ARID4B: variants seen among roughly 807,000 people sequenced by gnomAD.
ARID4B encodes AT-rich interactive domain-containing protein 4B.
A neutral mutation model predicts 147.5 loss-of-function variants in ARID4B; 26 were observed. That is an observed-to-expected ratio of 0.18 (90% CI 0.13 to 0.24). The LOEUF (loss-of-function observed/expected upper bound fraction) is 0.24. Among genes scored for constraint, ARID4B ranks in the 10% least tolerant of loss-of-function variants. ARID4B has a pLI of 1.00. For synonymous variants in ARID4B, 512 were observed against 507.9 expected, an observed-to-expected ratio of 1.01 and a Z score of -0.11; for missense variants, 1,179 against 1,511.5, an observed-to-expected ratio of 0.78 and a Z score of 3.65.
At chr1:235,170,905 C>T (rs1384586306) in intron 23 of ARID4B, among the ~76,000 whole-genome samples, 3 of 125,562 alleles carry the variant, frequency 2.4e-5, no homozygotes, top group South Asian at 2.6e-4. Context: ...ACCGAGACTC[C>T]GTCTCAAAAA....
chr1:235,252,701 A>G, intron 6 of ARID4B, 29 bp downstream of exon 6: 1 of 1,590,518 alleles, frequency 6.3e-7, no homozygotes, highest in Non-Finnish European at 8.6e-7. Context: ...AAATATTAAG[A>G]CATGTTCATT....
At chr1:235,291,178 C>T (rs1672310948) in intron 2 of ARID4B, among the ~76,000 whole-genome samples, 1 of 151,872 alleles carries the variant, frequency 6.6e-6, no homozygotes, top group African/African-American at 2.4e-5. Flanking sequence ...GGGCAGATCA[C>T]CAGGTCAGGA....
At chr1:235,281,805 T>C (rs531047110) in intron 2 of ARID4B, among the ~76,000 whole-genome samples, 1 of 152,318 alleles carries the variant, frequency 6.6e-6, no homozygotes, top group Admixed American at 6.5e-5. Context: ...GGGAGGCTGG[T>C]GAATGTATTT....
intron 2 of ARID4B, among the ~76,000 whole-genome samples, chr1:235,319,875 T>C (rs1674702222): frequency 6.6e-6 from 1 of 151,678 alleles, no homozygotes; most frequent in African/African-American, 2.4e-5. Flanking sequence ...ACACCTGTAA[T>C]CCCAGCACTC....
chr1:235,281,065 C>T (rs1029700792), intron 2 of ARID4B, among the ~76,000 whole-genome samples: 1 of 151,688 alleles, frequency 6.6e-6, no homozygotes, highest in Admixed American at 6.6e-5. Context: ...ACCAACTCTA[C>T]AGCTTACAAG....
At chr1:235,286,752 G>A (rs1013032107) in intron 2 of ARID4B, among the ~76,000 whole-genome samples, 4 of 152,190 alleles carry the variant, frequency 2.6e-5, no homozygotes, top group African/African-American at 7.2e-5. Context: ...ATGAGCAAGA[G>A]TTACATTATC....
intron 2 of ARID4B, among the ~76,000 whole-genome samples, chr1:235,270,402 G>T (rs546561355): frequency 1.9e-3 from 287 of 152,130 alleles, no homozygotes; most frequent in African/African-American, 6.4e-3. Flanking sequence ...TTTATTTTTG[G>T]TTTTTTACAT....
At chr1:235,268,597 C>T (rs991532703) in intron 2 of ARID4B, among the ~76,000 whole-genome samples, 28 of 152,142 alleles carry the variant, frequency 1.8e-4, no homozygotes, top group African/African-American at 6.5e-4. Context: ...GGTGTGATAT[C>T]GGCTCACTGT....
chr1:235,195,290 G>A (rs992423726), intron 18 of ARID4B, among the ~76,000 whole-genome samples: 3 of 151,894 alleles, frequency 2.0e-5, no homozygotes, highest in Non-Finnish European at 4.4e-5. Context: ...TGGCATTTTC[G>A]TGGTTAATAG....
intron 21 of ARID4B, 128 bp downstream of exon 21, chr1:235,177,672 C>CT: frequency 1.8e-6 from 1 of 554,596 alleles, no homozygotes; most frequent in Non-Finnish European, 3.0e-6. Flanking sequence ...ATTTGTGTGA[C>CT]TTTTTTTGAG....
At chr1:235,238,688 T>A (rs958881225) in intron 8 of ARID4B, among the ~76,000 whole-genome samples, 3 of 152,068 alleles carry the variant, frequency 2.0e-5, no homozygotes, top group African/African-American at 7.2e-5. Context: ...AGACCTCGTA[T>A]TTACAAAGTA....
intron 14 of ARID4B, 63 bp downstream of exon 14, chr1:235,221,501 TA>T: frequency 1.1e-6 from 1 of 898,036 alleles, no homozygotes; most frequent in Non-Finnish European, 1.7e-6. Flanking sequence ...AGTTATAAGG[TA>T]AATTTCATCC....
At chr1:235,180,696 C>G (rs1379955919) in intron 20 of ARID4B, 2 of 152,096 alleles carry the variant, frequency 1.3e-5, no homozygotes, top group Non-Finnish European at 2.9e-5. Flanking sequence ...CTAATTTGAT[C>G]TAGACCATAT....
intron 2 of ARID4B, among the ~76,000 whole-genome samples, chr1:235,291,658 A>G (rs1672345533): frequency 6.7e-6 from 1 of 148,162 alleles, no homozygotes. Flanking sequence ...CAACGTGGCC[A>G]AACCCCGTCT....
At chr1:235,234,516 A>T (rs779353010) in intron 8 of ARID4B, 24 bp from the exon 9 acceptor site, 1 of 1,514,610 alleles carries the variant, frequency 6.6e-7, no homozygotes, top group African/African-American at 1.4e-5. Context: ...GGGTGAAGCT[A>T]TTATAACTAA....
chr1:235,303,936 T>TA (rs5781825), intron 2 of ARID4B, among the ~76,000 whole-genome samples: 152,307 of 152,318 alleles, frequency 1, 76,148 homozygotes, highest in Middle Eastern at 1. Context: ...TTACAGGTAT[T>TA]TTTTTTTGGC....
At position 235,229,312 on chromosome 1, in the gene ARID4B, A is replaced by C. The variant is rs201316646; in HGVS notation, c.816T>G (p.Asp272Glu). ...PANWKTELKE[D>E]SSSSEAEEEE... ...CTTCCTCTGCTTCACTGCTAGAGCT[A>C]TCTTCTTTCAATTCAGTCTTCCAGT... The change falls in exon 11 of 24, where the codon GAT becomes GAG. Residue 272 changes from aspartate (D) to glutamate (E), a missense_variant. By Grantham distance (45) the Asp-to-Glu change is conservative. Around this residue, in one of 10 missense-constraint regions of ARID4B, gnomAD observed 159 missense variants for 190.5 expected, o/e 0.83. Coordinates refer to ENST00000264183, the MANE Select transcript of ARID4B (RefSeq NM_016374.6). 17 of 1,613,490 alleles carry C rather than the reference A, an allele frequency of 1.1e-5. No individual in the cohort carries two copies. The highest frequency in any genetic ancestry group is 1.4e-5 in the Non-Finnish European group (17 of 1,179,838).
chr1:235,292,186 T>A (rs1672384705), intron 2 of ARID4B, among the ~76,000 whole-genome samples: 1 of 152,232 alleles, frequency 6.6e-6, no homozygotes, highest in African/African-American at 2.4e-5. Flanking sequence ...TCATCCTGAT[T>A]GTCCCCAAGA....
rs750364226 is a variant in ARID4B, at chr1:235,175,736, A to C, written c.3449-337T>G. The C allele has an allele frequency of 7.6e-4, 167 of 219,690 alleles. 2 individuals carry two copies. Among genetic ancestry groups the C allele is most frequent in the Non-Finnish European group, 1.5e-3 (160 of 109,992 alleles). The allele number at this position is 219,690 out of a possible 1,614,324, so 13.6% of individuals were successfully genotyped here. A position where few individuals can be genotyped will look rare whatever the true frequency, so the allele number is the denominator to read the frequency against. On this transcript the variant is annotated intron_variant, in intron 21 of 23. Coordinates refer to ENST00000264183, the MANE Select transcript of ARID4B (RefSeq NM_016374.6). Reference sequence around the variant, plus strand: ...AATATATCATCTTTTAAAATGATTAATTGTAGAAACCTCTACAATGAATAT... The same window carrying C: ...AATATATCATCTTTTAAAATGATTACTTGTAGAAACCTCTACAATGAATAT...
Sources: gnomAD v4.1 joint callset for allele counts (sites outside exome capture counted in the v4.1 genomes callset) on GRCh38, gnomAD v4.1.1 for gene constraint, gnomAD v4.1.1 regional missense constraint, MANE v1.5 for transcripts, NCBI Gene and HGNC (gene_info 2026-07-23, HGNC 2026-07-21) for gene names.